Variants in KIAA0586 observed in about 807,000 individuals in gnomAD.
The protein encoded by KIAA0586 is KIAA0586.
In KIAA0586, 144 loss-of-function variants were observed where a neutral mutation model predicts 169.8. The observed-to-expected ratio is 0.85, with a 90% confidence interval of 0.74 to 0.97. The LOEUF is 0.97. Ranked by LOEUF, KIAA0586 falls within the 50% of genes least tolerant of loss-of-function variation. KIAA0586 has a pLI of 0.00. For missense variants in KIAA0586, 1,854 were observed against 1,823.0 expected, an observed-to-expected ratio of 1.02 and a Z score of -0.31; for synonymous variants, 625 against 612.4, an observed-to-expected ratio of 1.02 and a Z score of -0.30.
chr14:58,498,328 G>A lies in KIAA0586; in HGVS notation c.3991-455G>A, dbSNP rs374316767. On this transcript the variant is annotated intron_variant, in intron 26 of 30. Coordinates refer to ENST00000652326, the MANE Select transcript of KIAA0586 (RefSeq NM_001329943.3). ...GTAAATGGGACTACAGGTGTGTGCT[G>A]TGATGCCCAGCTAATTTTTGTATTT... Among the ~76,000 whole-genome samples the A allele has an allele frequency of 2.6e-5, 4 of 151,962 alleles. 1 individual carries two copies.
intron 18 of KIAA0586, among the ~76,000 whole-genome samples, 188 bp from the exon 19 acceptor site, chr14:58,474,419 A>C (rs1055606683): frequency 2.0e-5 from 3 of 152,224 alleles, no homozygotes; most frequent in African/African-American, 7.2e-5. Flanking sequence ...TTGTGTAATT[A>C]AGGGTTCCTC....
chr14:58,488,988 A>G, intron 24 of KIAA0586, 114 bp downstream of exon 24: 3 of 1,135,768 alleles, frequency 2.6e-6, no homozygotes, highest in Non-Finnish European at 2.5e-6. Flanking sequence ...ATGGTATAGT[A>G]GAAAGAATAG....
intron 29 of KIAA0586, among the ~76,000 whole-genome samples, chr14:58,537,672 G>A (rs2046379238): frequency 6.6e-6 from 1 of 151,656 alleles, no homozygotes; most frequent in East Asian, 1.9e-4. Flanking sequence ...TTTTGAGACG[G>A]AGACTCGCTC....
intron 16 of KIAA0586, 95 bp downstream of exon 16, chr14:58,468,017 A>G (rs2040905743): frequency 4.2e-6 from 3 of 710,008 alleles, no homozygotes; most frequent in Non-Finnish European, 6.8e-6. Flanking sequence ...TCATAAAAAT[A>G]TTGCTTTTGA....
intron 30 of KIAA0586, among the ~76,000 whole-genome samples, chr14:58,540,625 T>G (rs1293056101): frequency 1.3e-5 from 2 of 152,246 alleles, no homozygotes; most frequent in Non-Finnish European, 2.9e-5. Context: ...GCTTTGTTTT[T>G]ACCTTAAATT....
intron 25 of KIAA0586, among the ~76,000 whole-genome samples, chr14:58,490,726 A>G (rs1456020639): frequency 1.3e-5 from 2 of 152,118 alleles, no homozygotes; most frequent in African/African-American, 2.4e-5. Flanking sequence ...AAAAGTTGGT[A>G]TTTAAAAATA....
chr14:58,512,652 T>A (rs2141481022), intron 29 of KIAA0586, 25 bp downstream of exon 29: 1 of 1,173,992 alleles, frequency 8.5e-7, no homozygotes, highest in Middle Eastern at 1.9e-4. Context: ...TATGTAATAA[T>A]ACAATAGTTT....
chr14:58,493,104 T>G (rs2068830202), intron 26 of KIAA0586, among the ~76,000 whole-genome samples: 1 of 152,152 alleles, frequency 6.6e-6, no homozygotes, highest in African/African-American at 2.4e-5. Flanking sequence ...AGAACACCAC[T>G]GGAGTAGTCC....
rs1235465505 is a variant in KIAA0586 at position 58,508,646 on chromosome 14, A to G, written c.4260A>G (p.Thr1420=). 2 of 1,595,836 alleles carry G rather than the reference A, an allele frequency of 1.3e-6. No homozygotes were observed. Among genetic ancestry groups the G allele is most frequent in the Non-Finnish European group, 1.7e-6 (2 of 1,170,530 alleles). Residue 1420 remains threonine, a synonymous_variant, in exon 28 of 31, where the codon ACA becomes ACG. Coordinates refer to ENST00000652326, the MANE Select transcript of KIAA0586 (RefSeq NM_001329943.3). ...CAAATTCTAAGCTGGTTCTTCCCAC[A>G]ACACTTCTGACAGCACAAGAAAATG... The part of the protein sequence containing the change: ...LEPNSKLVLP[T]TLLTAQENDV...
Position 58,460,989 on chromosome 14 carries a change from C to A in KIAA0586, c.1888C>A (p.Leu630Ile), listed in dbSNP as rs2040275721. The change falls in exon 14 of 31, where the codon CTT becomes ATT. Residue 630 changes from leucine to isoleucine, a missense_variant. Transcript: ENST00000652326. ...SSLQKERKEG[L>I]LKATTVIQDE... Reference sequence around the variant, plus strand: ...TTGAATAACTTTGTACACACAGGGGCTTTTGAAAGCAACCACAGTAATACA... The same window carrying A: ...TTGAATAACTTTGTACACACAGGGGATTTTGAAAGCAACCACAGTAATACA... 1 of 1,589,736 alleles carries A rather than the reference C, an allele frequency of 6.3e-7. No individual in the cohort carries two copies. The highest frequency in any genetic ancestry group is 8.5e-7 in the Non-Finnish European group (1 of 1,170,616).
At chr14:58,538,560 T>C (rs896605244) in intron 29 of KIAA0586, among the ~76,000 whole-genome samples, 72 of 152,176 alleles carry the variant, frequency 4.7e-4, no homozygotes, top group African/African-American at 1.7e-3. Context: ...TGCATCTCCT[T>C]TGTGTTACAA....
At chr14:58,434,215 A>G (rs1262870984) in intron 4 of KIAA0586, among the ~76,000 whole-genome samples, 1 of 152,238 alleles carries the variant, frequency 6.6e-6, no homozygotes, top group African/African-American at 2.4e-5. Context: ...TAAAAAGAGG[A>G]CATAATGATA....
intron 27 of KIAA0586, among the ~76,000 whole-genome samples, chr14:58,499,719 C>T (rs2043422440): frequency 6.6e-6 from 1 of 151,908 alleles, no homozygotes; most frequent in African/African-American, 2.4e-5. Context: ...CCACCATGCC[C>T]AGCTAATTTT....
In KIAA0586 at chr14:58,445,126, T is replaced by TACACACACAC. The variant is rs140476366; in HGVS notation, c.807+965_807+974dup. Among the ~76,000 whole-genome samples the TACACACACAC allele has an allele frequency of 2.8e-5, 4 of 144,168 alleles. No individual in the cohort carries two copies. In the Admixed American group the frequency reaches 2.8e-4, roughly 10 times the overall value. 94.6% of individuals were successfully genotyped at this position (144,168 alleles called of 152,430 possible). On this transcript the variant is annotated intron_variant, in intron 6 of 30. Transcript: ENST00000652326. ...AGAACTATATACACACACACATACA[T>TACACACACAC]ACACACACACACACACACACACATA...
chr14:58,445,676 C>T, intron 6 of KIAA0586, among the ~76,000 whole-genome samples: 1 of 151,772 alleles, frequency 6.6e-6, no homozygotes, highest in Non-Finnish European at 1.5e-5. Flanking sequence ...TCAAGTGATC[C>T]ACCCATCATG....
At chr14:58,453,182 G>C (rs926723874) in intron 8 of KIAA0586, among the ~76,000 whole-genome samples, 168 bp from the exon 9 acceptor site, 1 of 152,010 alleles carries the variant, frequency 6.6e-6, no homozygotes, top group Admixed American at 6.6e-5. Context: ...GCCTCCCAAT[G>C]TGCTGGGATT....
intron 27 of KIAA0586, among the ~76,000 whole-genome samples, chr14:58,502,060 T>C (rs1364389050): frequency 6.6e-6 from 1 of 152,136 alleles, no homozygotes; most frequent in Non-Finnish European, 1.5e-5. Context: ...AACCAGTCCA[T>C]AGGGCCGTGA....
chr14:58,537,709 G>A (rs1335468740), intron 29 of KIAA0586, among the ~76,000 whole-genome samples: 2 of 151,760 alleles, frequency 1.3e-5, no homozygotes, highest in South Asian at 2.1e-4. Flanking sequence ...GTGCAGTGGC[G>A]TGATCTTGGC....
intron 19 of KIAA0586, among the ~76,000 whole-genome samples, chr14:58,476,748 G>T (rs2041661972): frequency 6.8e-6 from 1 of 147,364 alleles, no homozygotes; most frequent in Non-Finnish European, 1.5e-5. Context: ...GCTCACTGCA[G>T]CCTCAACCTC....
Sources: gnomAD v4.1 joint callset for allele counts (sites outside exome capture counted in the v4.1 genomes callset) on GRCh38, gnomAD v4.1.1 for gene constraint, MANE v1.5 for transcripts, NCBI Gene and HGNC (gene_info 2026-07-23, HGNC 2026-07-21) for gene names.